The following CBY1 variants were observed in gnomAD, a reference collection of about 807,000 sequenced individuals.
CBY1 encodes the protein protein chibby homolog 1.
A neutral mutation model predicts 15.6 loss-of-function variants in CBY1; 10 were observed. The ratio of observed to expected loss-of-function variants is 0.64; its 90% CI spans 0.40 to 1.09. The LOEUF is 1.09. CBY1 is among the 50% of genes least tolerant of loss of function. The pLI is 0.01. For missense variants in CBY1, 150 were observed against 160.5 expected (o/e 0.93, Z 0.35); for synonymous variants, 61 against 63.5 (o/e 0.96, Z 0.19).
In CBY1 at chr22:38,663,435, C is replaced by T. The variant is rs575811453; in HGVS notation, c.-38-4582C>T. Among the ~76,000 whole-genome samples, 461 of 151,284 alleles carry T rather than the reference C, an allele frequency of 3.0e-3. 2 individuals are homozygous for T. The highest frequency in any genetic ancestry group is 0.014 in the Middle Eastern group (4 of 290). ...AAGAGGCCGGACGCGGTGGCCCACA[C>T]CTGTAATCCCAGCACTTTGGGAGGC... On this transcript the variant is annotated intron_variant, in intron 1 of 4. Transcript: ENST00000216029.
At chr22:38,659,151 G>T (rs2092414388) in intron 1 of CBY1, among the ~76,000 whole-genome samples, 1 of 151,856 alleles carries the variant, frequency 6.6e-6, no homozygotes, top group African/African-American at 2.4e-5. Context: ...GGCCAGGCTG[G>T]TCTCGAACTC....
At chr22:38,665,195 G>A (rs1245752952) in intron 1 of CBY1, among the ~76,000 whole-genome samples, 5 of 151,844 alleles carry the variant, frequency 3.3e-5, no homozygotes, top group Non-Finnish European at 7.4e-5. Flanking sequence ...GGGTGTGGTG[G>A]TTCATACCTG....
intron 1 of CBY1, chr22:38,666,723 G>C (rs1289042013): frequency 6.6e-6 from 1 of 151,864 alleles, no homozygotes; most frequent in Non-Finnish European, 1.5e-5. Flanking sequence ...TTATTTTTGA[G>C]ACAGAGTCTT....
chr22:38,671,902 T>C (rs749125570), intron 4 of CBY1, among the ~76,000 whole-genome samples: 20 of 152,086 alleles, frequency 1.3e-4, no homozygotes, highest in Non-Finnish European at 2.2e-4. Flanking sequence ...GACAGGAGGA[T>C]GGCTTAACCT....
chr22:38,657,817 G>C (rs997173075), intron 1 of CBY1, among the ~76,000 whole-genome samples: 5 of 152,154 alleles, frequency 3.3e-5, no homozygotes, highest in Admixed American at 2.6e-4. Context: ...GTTAGCATCA[G>C]TGGGGACTTG....
intron 1 of CBY1, among the ~76,000 whole-genome samples, chr22:38,665,885 A>C (rs1159833653): frequency 6.6e-6 from 1 of 152,024 alleles, no homozygotes; most frequent in African/African-American, 2.4e-5. Context: ...AAATACAAAA[A>C]TTAGCTGGGC....
chr22:38,658,429 C>CT (rs961434151), intron 1 of CBY1, among the ~76,000 whole-genome samples: 21 of 146,544 alleles, frequency 1.4e-4, no homozygotes, highest in African/African-American at 3.8e-4. Context: ...TGGCCTCTTT[C>CT]TTTTTTTTAA....
At chr22:38,666,343 G>T (rs1010190862) in intron 1 of CBY1, among the ~76,000 whole-genome samples, 5 of 151,902 alleles carry the variant, frequency 3.3e-5, no homozygotes, top group Non-Finnish European at 7.4e-5. Flanking sequence ...GCCTCCCAAA[G>T]TGCTAGGATT....
chr22:38,670,673 A>G (rs1263517340), intron 2 of CBY1: 5 of 514,776 alleles, frequency 9.7e-6, no homozygotes, highest in Non-Finnish European at 1.4e-5. Flanking sequence ...TTTTCTGGAA[A>G]ACATCTAATG....
intron 1 of CBY1, 180 bp from the exon 2 acceptor site, chr22:38,667,837 C>T (rs2092441371): frequency 3.4e-6 from 2 of 581,940 alleles, no homozygotes; most frequent in Middle Eastern, 4.5e-4. Flanking sequence ...GGCCCAGTCA[C>T]CCCTTATACT....
intron 4 of CBY1, chr22:38,671,466 C>A (rs1310716050): frequency 7.4e-6 from 3 of 404,592 alleles, no homozygotes; most frequent in South Asian, 2.8e-5. Flanking sequence ...GTCGGGAGAG[C>A]TTCCCAGAGG....
rs746357881 is a variant in CBY1 at position 38,665,725 on chromosome 22, C to T, written c.-38-2292C>T. 3.3e-6 allele frequency: 4 copies of T among 1,229,614 alleles called. No homozygotes were observed. In the East Asian group the frequency reaches 9.5e-5, roughly 29 times the overall value. 76.2% of individuals were successfully genotyped at this position (1,229,614 alleles called of 1,614,324 possible). A position where few individuals can be genotyped will look rare whatever the true frequency, so the allele number is the denominator to read the frequency against. ...GTGCTGAAATGCTCTGTATCCCAATCTGGAGGGTGGTTTTAAAAAAATGTT... is the reference window on the plus strand; with the variant it reads ...GTGCTGAAATGCTCTGTATCCCAATTTGGAGGGTGGTTTTAAAAAAATGTT... On this transcript the variant is annotated intron_variant, in intron 1 of 4. Coordinates refer to ENST00000216029, the MANE Select transcript of CBY1 (RefSeq NM_015373.4).
intron 1 of CBY1, among the ~76,000 whole-genome samples, chr22:38,660,201 C>G: frequency 6.8e-6 from 1 of 147,046 alleles, no homozygotes; most frequent in South Asian, 2.1e-4. Context: ...ATTTTTTTAA[C>G]TTTTTTTTTT....
chr22:38,657,757 C>G (rs528545422), intron 1 of CBY1, among the ~76,000 whole-genome samples: 1 of 152,156 alleles, frequency 6.6e-6, no homozygotes, highest in Non-Finnish European at 1.5e-5. Context: ...AAGGGGAGAG[C>G]CAGGCCCCTA....
Position 38,670,920 on chromosome 22 carries a change from G to A in CBY1, c.115G>A (p.Glu39Lys). The part of the protein sequence containing the change: ...RSTREVELGL[E>K]YGSPTMNLAG... ...AACCCGGGAGGTGGAGCTGGGCTTG[G>A]AATACGGATCCCCGACTATGAACCT... is the stretch of plus-strand genomic sequence containing the variant. Residue 39 changes from glutamate (E) to lysine (K), a missense_variant, in exon 3 of 5, where the codon GAA becomes AAA. Glu to Lys is a moderately conservative substitution (Grantham distance 56). Transcript: ENST00000216029. 2.5e-6 allele frequency: 4 copies of A among 1,614,212 alleles called. No individual in the cohort carries two copies. Among genetic ancestry groups the A allele is most frequent in the Non-Finnish European group, 3.4e-6 (4 of 1,180,042 alleles).
intron 1 of CBY1, chr22:38,665,553 T>C (rs1440565689): frequency 2.5e-6 from 1 of 407,378 alleles, no homozygotes; most frequent in Non-Finnish European, 4.3e-6. Flanking sequence ...TAGAATATTA[T>C]CCAGCAATGC....
At chr22:38,668,179 T>G (rs2092442481) in intron 2 of CBY1, 47 bp downstream of exon 2, 1 of 1,090,254 alleles carries the variant, frequency 9.2e-7, no homozygotes, top group Non-Finnish European at 1.4e-6. Flanking sequence ...ATGAGTTGAG[T>G]GCTGAGCGTG....
chr22:38,667,783 C>T (rs1569255416), intron 1 of CBY1: 2 of 445,500 alleles, frequency 4.5e-6, no homozygotes, highest in Non-Finnish European at 8.0e-6. Flanking sequence ...CTAACCTACT[C>T]CATGACAATG....
At chr22:38,670,786 G>A (rs2092450133) in intron 2 of CBY1, 98 bp from the exon 3 acceptor site, 2 of 769,852 alleles carry the variant, frequency 2.6e-6, no homozygotes, top group African/African-American at 1.7e-5. Context: ...AATGATTAGA[G>A]AAATGAGTTG....
Sources: allele counts gnomAD v4.1 joint callset (sites outside exome capture counted in the v4.1 genomes callset), GRCh38; gene constraint gnomAD v4.1.1; transcripts MANE v1.5; gene names NCBI Gene and HGNC (gene_info 2026-07-23, HGNC 2026-07-21).